The following FOXJ3 variants were observed in gnomAD, a reference collection of about 807,000 sequenced individuals.
FOXJ3 encodes the protein forkhead box protein J3.
FOXJ3 carries 22 observed loss-of-function variants against 76.1 expected under a neutral mutation model. The ratio of observed to expected loss-of-function variants is 0.29; its 90% CI spans 0.21 to 0.41. FOXJ3 has a LOEUF of 0.41. FOXJ3 is among the 10% of genes least tolerant of loss of function. The pLI is 1.00. For synonymous variants in FOXJ3, 269 were observed against 261.2 expected, an observed-to-expected ratio of 1.03 and a Z score of -0.29; for missense variants, 613 against 762.1, an observed-to-expected ratio of 0.80 and a Z score of 2.30.
chr1:42,207,864 C>G (rs746855640), intron 5 of FOXJ3, among the ~76,000 whole-genome samples: 10 of 152,146 alleles, frequency 6.6e-5, no homozygotes, highest in Non-Finnish European at 1.0e-4. Flanking sequence ...AATAGAAGAG[C>G]TATAAAAATA....
At chr1:42,302,454 A>C (rs1156732641) in intron 2 of FOXJ3, among the ~76,000 whole-genome samples, 1 of 152,248 alleles carries the variant, frequency 6.6e-6, no homozygotes, top group Non-Finnish European at 1.5e-5. Context: ...CAGACCAGGC[A>C]GGCCCACCTA....
chr1:42,302,897 T>C (rs1446968387), intron 2 of FOXJ3, among the ~76,000 whole-genome samples: 1 of 150,500 alleles, frequency 6.6e-6, no homozygotes, highest in African/African-American at 2.5e-5. Context: ...TCCATCTCCC[T>C]GAAATAAAAA....
intron 5 of FOXJ3, among the ~76,000 whole-genome samples, chr1:42,222,040 G>GAGGAGGAGAAGA (rs1647216669): frequency 1.1e-4 from 1 of 9,092 alleles, no homozygotes; most frequent in Non-Finnish European, 2.9e-4. Context: ...GGAGGAGAAG[G>GAGGAGGAGAAGA]AGAAGGAGAA....
intron 2 of FOXJ3, among the ~76,000 whole-genome samples, chr1:42,309,502 A>C (rs886678675): frequency 2.6e-5 from 4 of 151,862 alleles, no homozygotes; most frequent in Non-Finnish European, 5.9e-5. Flanking sequence ...CCCCTTCTCT[A>C]TTTTTCTCCT....
chr1:42,231,752 G>T (rs901343850), intron 4 of FOXJ3, among the ~76,000 whole-genome samples: 1 of 152,012 alleles, frequency 6.6e-6, no homozygotes, highest in South Asian at 2.1e-4. Context: ...AAGTGATCCC[G>T]AGCCCCACAA....
chr1:42,259,494 CTG>C (rs1650872092), intron 4 of FOXJ3, among the ~76,000 whole-genome samples: 1 of 152,302 alleles, frequency 6.6e-6, no homozygotes, highest in Non-Finnish European at 1.5e-5. Context: ...ACAGAGAACA[CTG>C]TATGTCTCAA....
rs572117065 is a variant in FOXJ3, at chr1:42,327,162, G to A, written c.-18+7897C>T. ...CATCCCCTACAATAATATAAAACAC[G>A]ACTTCCTCTGATACACAAAGGTGCC... On this transcript the variant is annotated intron_variant, in intron 1 of 12. Coordinates refer to ENST00000361346, the MANE Select transcript of FOXJ3 (RefSeq NM_014947.5). 3.2e-4 allele frequency among the ~76,000 whole-genome samples: 49 copies of A among 152,210 alleles called. No homozygotes were observed. The East Asian group carries it at 4.2e-3, about 13-fold the overall frequency.
chr1:42,196,822 G>A (rs759798333), intron 7 of FOXJ3, among the ~76,000 whole-genome samples: 52 of 152,092 alleles, frequency 3.4e-4, no homozygotes, highest in Non-Finnish European at 6.8e-4. Context: ...TCTTTAATTT[G>A]TCCTTTTATA....
chr1:42,211,992 G>A (rs530662973), intron 5 of FOXJ3, among the ~76,000 whole-genome samples: 57 of 152,324 alleles, frequency 3.7e-4, no homozygotes, highest in African/African-American at 1.3e-3. Flanking sequence ...AGTGGCTCAC[G>A]CCTGTAATCC....
chr1:42,301,351 A>G (rs1654134167), intron 2 of FOXJ3, among the ~76,000 whole-genome samples: 1 of 151,372 alleles, frequency 6.6e-6, no homozygotes, highest in Non-Finnish European at 1.5e-5. Flanking sequence ...ACACGCCACA[A>G]TGCCCTGCTA....
intron 1 of FOXJ3, among the ~76,000 whole-genome samples, chr1:42,324,229 A>C (rs1480648615): frequency 9.2e-6 from 1 of 108,332 alleles, no homozygotes; most frequent in Non-Finnish European, 1.9e-5. Flanking sequence ...AAATTCTAGG[A>C]ATATATACAC....
intron 2 of FOXJ3, among the ~76,000 whole-genome samples, chr1:42,284,040 T>C (rs987935413): frequency 2.6e-5 from 4 of 152,026 alleles, no homozygotes; most frequent in African/African-American, 9.7e-5. Context: ...GGGTCCCTGA[T>C]TTTTTTTGTG....
At chr1:42,236,424 G>C (rs555441899) in intron 4 of FOXJ3, among the ~76,000 whole-genome samples, 1 of 152,038 alleles carries the variant, frequency 6.6e-6, no homozygotes, top group African/African-American at 2.4e-5. Flanking sequence ...TTGAACTTCC[G>C]GCCTCTAAGT....
intron 5 of FOXJ3, among the ~76,000 whole-genome samples, chr1:42,224,365 G>A (rs1004254379): frequency 6.6e-6 from 1 of 151,334 alleles, no homozygotes; most frequent in Non-Finnish European, 1.5e-5. Flanking sequence ...AATAATAACA[G>A]AACAGAGAGC....
Position 42,239,456 on chromosome 1 carries a change from A to G in FOXJ3, c.445-11490T>C, listed in dbSNP as rs149958708. On this transcript the variant is annotated intron_variant, in intron 4 of 12. Coordinates refer to ENST00000361346, the MANE Select transcript of FOXJ3 (RefSeq NM_014947.5). ...AACCTTGGTCAAATATTTTTTCTAT[A>G]CCTGACATGGTATGATTTTTTTTAG... Among the ~76,000 whole-genome samples the G allele has an allele frequency of 4.3e-3, 642 of 150,496 alleles. 3 individuals are homozygous for G. Among genetic ancestry groups the G allele is most frequent in the African/African-American group, 0.015 (583 of 39,928 alleles).
chr1:42,230,103 A>G (rs953440490), intron 4 of FOXJ3, among the ~76,000 whole-genome samples: 1 of 152,214 alleles, frequency 6.6e-6, no homozygotes, highest in African/African-American at 2.4e-5. Flanking sequence ...CCCATAGCCT[A>G]CCTATCCACT....
At chr1:42,212,378 T>G (rs189209384) in intron 5 of FOXJ3, among the ~76,000 whole-genome samples, 1 of 152,316 alleles carries the variant, frequency 6.6e-6, no homozygotes, top group Admixed American at 6.5e-5. Flanking sequence ...ACAAGTATTT[T>G]AAAGCAAAGC....
chr1:42,201,363 T>C, intron 6 of FOXJ3, among the ~76,000 whole-genome samples: 1 of 152,344 alleles, frequency 6.6e-6, no homozygotes, highest in South Asian at 2.1e-4. Context: ...TAATATAGCA[T>C]TTGCTATATG....
At chr1:42,314,146 C>T (rs1654969958) in intron 1 of FOXJ3, among the ~76,000 whole-genome samples, 1 of 152,164 alleles carries the variant, frequency 6.6e-6, no homozygotes, top group Non-Finnish European at 1.5e-5. Flanking sequence ...TGAGGAATTA[C>T]TTCAGTAAAC....
Sources: gnomAD v4.1 joint callset for allele counts (sites outside exome capture counted in the v4.1 genomes callset) on GRCh38, gnomAD v4.1.1 for gene constraint, MANE v1.5 for transcripts, NCBI Gene and HGNC (gene_info 2026-07-23, HGNC 2026-07-21) for gene names.